Variants in DLC1 observed in about 807,000 individuals in gnomAD.
DLC1 encodes the protein DLC1 Rho GTPase activating protein.
DLC1 carries 54 observed loss-of-function variants against 140.3 expected under a neutral mutation model. That is an observed-to-expected ratio of 0.38 (90% CI 0.31 to 0.48). The LOEUF (loss-of-function observed/expected upper bound fraction) is 0.48. DLC1 is among the 20% of genes least tolerant of loss of function. The pLI is 0.96. For synonymous variants in DLC1, 986 were observed against 728.1 expected, an observed-to-expected ratio of 1.35 and a Z score of -5.70; for missense variants, 2,536 against 1,907.0, an observed-to-expected ratio of 1.33 and a Z score of -6.14.
intron 2 of DLC1, among the ~76,000 whole-genome samples, chr8:13,491,445 A>G (rs1456352917): frequency 1.3e-5 from 2 of 152,126 alleles, no homozygotes; most frequent in Non-Finnish European, 1.5e-5. Context: ...ACAATAACAC[A>G]TATACTTTTG....
chr8:13,513,172 CA>C (rs1454427450), intron 1 of DLC1, among the ~76,000 whole-genome samples: 1 of 152,020 alleles, frequency 6.6e-6, no homozygotes, highest in Non-Finnish European at 1.5e-5. Context: ...TTGGACAGGT[CA>C]CTTTTAAATC....
chr8:13,248,506 T>C (rs895727342), intron 5 of DLC1, among the ~76,000 whole-genome samples: 1 of 152,156 alleles, frequency 6.6e-6, no homozygotes, highest in African/African-American at 2.4e-5. Flanking sequence ...CCCCCTTATT[T>C]ATTAAAGATT....
At chr8:13,380,752 G>A (rs570354658) in intron 4 of DLC1, among the ~76,000 whole-genome samples, 2 of 152,288 alleles carry the variant, frequency 1.3e-5, no homozygotes, top group South Asian at 4.1e-4. Flanking sequence ...ACCCTAAGGG[G>A]ACAAATTCGA....
chr8:13,347,163 C>T (rs149886041), intron 4 of DLC1, among the ~76,000 whole-genome samples: 4 of 152,190 alleles, frequency 2.6e-5, no homozygotes, highest in Admixed American at 6.5e-5. Context: ...AATATGTTCC[C>T]CTTTGGAAAA....
Position 13,099,651 on chromosome 8 carries a change from C to A in DLC1, c.2686G>T (p.Asp896Tyr), listed in dbSNP as rs1408210813. The change falls in exon 9 of 18, where the codon GAT (aspartate) becomes TAT (tyrosine). Residue 896 changes from aspartate to tyrosine, a missense_variant. Coordinates refer to ENST00000276297, the MANE Select transcript of DLC1 (RefSeq NM_182643.3). ...GGGAAGATGTCCTCGTTCTCCAGAT[C>A]CGCCAGGTCCCCTGAACTGGAGTAG... ...ILYSSSGDLA[D>Y]LENEDIFPEL... The A allele has an allele frequency of 6.2e-7, 1 of 1,614,068 alleles. No individual in the cohort carries two copies. The highest frequency in any genetic ancestry group is 1.3e-5 in the African/African-American group (1 of 74,920).
chr8:13,450,722 C>T (rs1799000210), intron 2 of DLC1, among the ~76,000 whole-genome samples: 1 of 151,868 alleles, frequency 6.6e-6, no homozygotes, highest in Non-Finnish European at 1.5e-5. Context: ...CATAGTTCTC[C>T]AAATCAAATT....
intron 2 of DLC1, among the ~76,000 whole-genome samples, chr8:13,419,491 T>G (rs997861876): frequency 2.6e-5 from 4 of 152,136 alleles, no homozygotes; most frequent in South Asian, 2.1e-4. Flanking sequence ...TTTGTCTTTG[T>G]TTCTGTTTAT....
intron 2 of DLC1, among the ~76,000 whole-genome samples, chr8:13,447,790 C>G (rs112153596): frequency 4.6e-4 from 70 of 152,062 alleles, no homozygotes; most frequent in African/African-American, 1.5e-3. Flanking sequence ...ATTGTTTGTT[C>G]TTTGTGTTTT....
chr8:13,212,554 T>C (rs1219778417), intron 5 of DLC1, among the ~76,000 whole-genome samples: 3 of 152,150 alleles, frequency 2.0e-5, no homozygotes, highest in Non-Finnish European at 4.4e-5. Context: ...TGGGCACTCA[T>C]TATGCAACAT....
chr8:13,413,344 A>G (rs554625130), intron 2 of DLC1, among the ~76,000 whole-genome samples: 14 of 139,588 alleles, frequency 1.0e-4, no homozygotes, highest in Non-Finnish European at 1.7e-4. Context: ...TCTTCTTCCA[A>G]TGTGGCCCGG....
At chr8:13,534,713 C>G (rs902271717) in intron 1 of DLC1, among the ~76,000 whole-genome samples, 10 of 152,178 alleles carry the variant, frequency 6.6e-5, no homozygotes, top group Admixed American at 2.6e-4. Flanking sequence ...CAGCTGCTGT[C>G]AATTCTGAAG....
Position 13,147,986 on chromosome 8 carries a change from C to CA in DLC1, c.1349-32330dup, listed in dbSNP as rs546552256. Among the ~76,000 whole-genome samples the CA allele has an allele frequency of 8.6e-5, 13 of 151,934 alleles. No homozygotes were observed. The South Asian group carries it at 2.5e-3, about 29-fold the overall frequency. On this transcript the variant is annotated intron_variant, in intron 5 of 17. Transcript: ENST00000276297. The stretch of plus-strand genomic sequence containing the variant: ...TGGGCAACAGAGCAAGACTCCATCT[C>CA]AAAAAAAGAAGAAAAGCATTTATTA...
At chr8:13,397,751 G>A (rs540707424) in intron 3 of DLC1, among the ~76,000 whole-genome samples, 1 of 152,186 alleles carries the variant, frequency 6.6e-6, no homozygotes, top group East Asian at 1.9e-4. Flanking sequence ...CAGGAGGATT[G>A]CTTGAGCCCA....
intron 5 of DLC1, among the ~76,000 whole-genome samples, chr8:13,269,141 G>C (rs891356298): frequency 5.3e-5 from 8 of 152,228 alleles, no homozygotes; most frequent in African/African-American, 1.9e-4. Context: ...CCAAAGTGCT[G>C]GGATTACAGG....
intron 5 of DLC1, among the ~76,000 whole-genome samples, chr8:13,117,563 CTGTT>C (rs1284194988): frequency 6.6e-6 from 1 of 152,188 alleles, no homozygotes; most frequent in African/African-American, 2.4e-5. Flanking sequence ...AGAAAAAAGG[CTGTT>C]TGTCTTTAAA....
intron 4 of DLC1, among the ~76,000 whole-genome samples, chr8:13,322,601 T>A (rs890155647): frequency 2.0e-5 from 3 of 152,216 alleles, no homozygotes; most frequent in Non-Finnish European, 4.4e-5. Context: ...TTCTTAGTTA[T>A]AAAGTTTTAG....
chr8:13,546,368 AT>A (rs780207836), intron 1 of DLC1, among the ~76,000 whole-genome samples: 7 of 152,150 alleles, frequency 4.6e-5, no homozygotes, highest in Non-Finnish European at 8.8e-5. Flanking sequence ...TTGAAAAACT[AT>A]TTTAATATGA....
At chr8:13,268,617 A>C (rs1830787513) in intron 5 of DLC1, among the ~76,000 whole-genome samples, 1 of 152,134 alleles carries the variant, frequency 6.6e-6, no homozygotes, top group Non-Finnish European at 1.5e-5. Flanking sequence ...TCATGGCTTC[A>C]AGTGATCCTT....
At chr8:13,410,331 G>T (rs1444303143) in intron 2 of DLC1, among the ~76,000 whole-genome samples, 2 of 152,080 alleles carry the variant, frequency 1.3e-5, no homozygotes, top group Non-Finnish European at 2.9e-5. Context: ...AAGTAAGAAT[G>T]CTTGTTATCA....
Sources: allele counts gnomAD v4.1 joint callset (sites outside exome capture counted in the v4.1 genomes callset), GRCh38; gene constraint gnomAD v4.1.1; transcripts MANE v1.5; gene names NCBI Gene and HGNC (gene_info 2026-07-23, HGNC 2026-07-21).